Variants in DMD observed in about 807,000 individuals in gnomAD.
DMD encodes mutant dystrophin.
Under a neutral mutation model 330.1 loss-of-function variants are expected in DMD, and 63 were observed. That is an observed-to-expected ratio of 0.19 (90% CI 0.16 to 0.24). The LOEUF is 0.24. Ranked by LOEUF, DMD falls within the 10% of genes least tolerant of loss-of-function variation. DMD has a pLI of 1.00. For missense variants in DMD, 3,344 were observed against 2,684.1 expected (o/e 1.25, Z -5.43); for synonymous variants, 1,223 against 959.8 (o/e 1.27, Z -5.07).
At chrX:33,072,114 A>T (rs957454120) in intron 1 of DMD, among the ~76,000 whole-genome samples, 5 of 112,032 alleles carry the variant, frequency 4.5e-5, no homozygotes, top group African/African-American at 1.6e-4. Flanking sequence ...AAGGCATGTG[A>T]TGGTTAAGAA....
chrX:32,193,372 C>T lies in DMD; in HGVS notation c.6438+23544G>A. On this transcript the variant is annotated intron_variant, in intron 44 of 78. Transcript: ENST00000357033. ...TATTTTGAACATTAAGAAAACATGC[C>T]CATGTAATTTTATGAATGTCTTTCG... Among the ~76,000 whole-genome samples the T allele has an allele frequency of 1.8e-5, 2 of 111,679 alleles. 1 individual carries two copies. The highest frequency in any genetic ancestry group is 3.8e-5 in the Non-Finnish European group (2 of 53,100).
chrX:32,365,824 C>A (rs1206302113), intron 34 of DMD, among the ~76,000 whole-genome samples: 4 of 111,574 alleles, frequency 3.6e-5, no homozygotes, highest in Non-Finnish European at 5.6e-5. Context: ...AGGATAATTT[C>A]AATGTAGTGA....
intron 7 of DMD, among the ~76,000 whole-genome samples, chrX:32,732,245 A>T (rs1410523429): frequency 9.0e-6 from 1 of 111,260 alleles, no homozygotes. Context: ...AAAGCCTCCA[A>T]GAAATATGGG....
intron 9 of DMD, among the ~76,000 whole-genome samples, chrX:32,694,322 C>A (rs1377284626): frequency 9.0e-6 from 1 of 111,539 alleles, no homozygotes; most frequent in East Asian, 2.8e-4. Flanking sequence ...TCTTAGAACC[C>A]CTTCTTTACA....
intron 2 of DMD, among the ~76,000 whole-genome samples, chrX:32,915,340 T>C (rs2087695403): frequency 8.9e-6 from 1 of 111,975 alleles, no homozygotes; most frequent in Admixed American, 9.6e-5. Context: ...TTGATTTTAA[T>C]TGTTAAAATG....
chrX:33,325,466 A>T (rs2054076125), intron 1 of DMD, among the ~76,000 whole-genome samples: 1 of 112,128 alleles, frequency 8.9e-6, no homozygotes, highest in Admixed American at 9.5e-5. Context: ...TTAACATCTC[A>T]TATCATTTGA....
At chrX:31,454,476 T>G (rs79186538) in intron 59 of DMD, among the ~76,000 whole-genome samples, 2 of 112,016 alleles carry the variant, frequency 1.8e-5, no homozygotes, top group Non-Finnish European at 3.8e-5. Context: ...CTTGCAATCA[T>G]TTCTTGGTCT....
intron 50 of DMD, among the ~76,000 whole-genome samples, chrX:31,780,358 T>A (rs1308585599): frequency 1.8e-5 from 2 of 112,295 alleles, no homozygotes; most frequent in Non-Finnish European, 3.8e-5. Context: ...GGGCTCACAT[T>A]AACAATTCTA....
chrX:32,906,159 G>A (rs908143402), intron 2 of DMD, among the ~76,000 whole-genome samples: 1 of 111,544 alleles, frequency 9.0e-6, no homozygotes, highest in Non-Finnish European at 1.9e-5. Context: ...ATTGGATCAC[G>A]GTGTTTCTCA....
chrX:33,121,779 C>T (rs1177357723), intron 1 of DMD, among the ~76,000 whole-genome samples: 1 of 112,129 alleles, frequency 8.9e-6, no homozygotes, highest in East Asian at 2.8e-4. Context: ...TCTGTCAGTA[C>T]TTTTGTAAAC....
chrX:31,535,961 C>G (rs1421301738), intron 55 of DMD, among the ~76,000 whole-genome samples: 1 of 112,043 alleles, frequency 8.9e-6, no homozygotes, highest in Non-Finnish European at 1.9e-5. Context: ...GAACAAGTAT[C>G]TGAGAGAATT....
rs777277089 is a variant in DMD, at chrX:31,565,028, A to C, written c.8218-57575T>G. 1.7e-3 allele frequency among the ~76,000 whole-genome samples: 191 copies of C among 112,359 alleles called. 3 individuals carry two copies. The highest frequency in any genetic ancestry group is 5.8e-3 in the African/African-American group (179 of 31,020). Reference sequence around the variant, plus strand: ...AGATAAATGACTGTTGAAGTCTTAAAATTTCTGAATTGTTTTATTTGTTTT... The same window carrying C: ...AGATAAATGACTGTTGAAGTCTTAACATTTCTGAATTGTTTTATTTGTTTT... On this transcript the variant is annotated intron_variant, in intron 55 of 78. Transcript: ENST00000357033.
intron 1 of DMD, among the ~76,000 whole-genome samples, chrX:33,094,863 CA>C (rs758556458): frequency 2.0e-4 from 22 of 108,699 alleles, no homozygotes; most frequent in Admixed American, 7.9e-4. Flanking sequence ...TAGTTGGGAT[CA>C]AGGGCATTTT....
chrX:32,880,732 G>A (rs2083856991), intron 2 of DMD, among the ~76,000 whole-genome samples: 1 of 112,031 alleles, frequency 8.9e-6, no homozygotes, highest in South Asian at 3.7e-4. Flanking sequence ...ACCACCTGAG[G>A]TCGGGAGTTC....
At chrX:33,077,043 G>C (rs1453233947) in intron 1 of DMD, among the ~76,000 whole-genome samples, 1 of 111,005 alleles carries the variant, frequency 9.0e-6, no homozygotes, top group South Asian at 4.0e-4. Flanking sequence ...CACAAGATCA[G>C]ATGAGCCAGT....
chrX:32,411,362 A>G (rs1000193027), intron 30 of DMD, among the ~76,000 whole-genome samples: 3 of 110,553 alleles, frequency 2.7e-5, no homozygotes, highest in Non-Finnish European at 5.7e-5. Flanking sequence ...AACTCCTGAC[A>G]TTGTGATTCG....
intron 47 of DMD, among the ~76,000 whole-genome samples, chrX:31,926,296 T>C (rs955205199): frequency 8.9e-6 from 1 of 111,849 alleles, no homozygotes; most frequent in African/African-American, 3.3e-5. Flanking sequence ...AATGGCTATA[T>C]TCAGTTTAAA....
intron 57 of DMD, among the ~76,000 whole-genome samples, chrX:31,480,617 GT>G (rs1353637724): frequency 9.8e-6 from 1 of 102,514 alleles, no homozygotes; most frequent in South Asian, 4.4e-4. Context: ...GTATTCTTGT[GT>G]TTTTTTTCAT....
intron 43 of DMD, among the ~76,000 whole-genome samples, chrX:32,239,339 G>T (rs890608020): frequency 1.8e-5 from 2 of 111,170 alleles, no homozygotes; most frequent in Non-Finnish European, 3.8e-5. Flanking sequence ...TTTTATTTCT[G>T]CTCTTCATTT....
Sources: allele counts gnomAD v4.1 joint callset (sites outside exome capture counted in the v4.1 genomes callset), GRCh38; gene constraint gnomAD v4.1.1; transcripts MANE v1.5; gene names NCBI Gene and HGNC (gene_info 2026-07-23, HGNC 2026-07-21).